The following FER variants were observed in gnomAD, a reference collection of about 807,000 sequenced individuals.
FER encodes FER tyrosine kinase, also known as tyrosine-protein kinase Fer.
A neutral mutation model predicts 111.0 loss-of-function variants in FER; 63 were observed. The ratio of observed to expected loss-of-function variants is 0.57; its 90% CI spans 0.46 to 0.70. The LOEUF (loss-of-function observed/expected upper bound fraction) is 0.70. Among genes scored for constraint, FER ranks in the 30% least tolerant of loss-of-function variants. FER has a pLI of 0.00. For missense variants in FER, 914 were observed against 954.0 expected, an observed-to-expected ratio of 0.96 and a Z score of 0.55; for synonymous variants, 327 against 313.9, an observed-to-expected ratio of 1.04 and a Z score of -0.44.
intron 8 of FER, among the ~76,000 whole-genome samples, chr5:108,874,330 G>C (rs1459028577): frequency 6.6e-6 from 1 of 152,034 alleles, no homozygotes; most frequent in Non-Finnish European, 1.5e-5. Flanking sequence ...CTTAATTATA[G>C]TGATGAAGCA....
intron 13 of FER, among the ~76,000 whole-genome samples, chr5:108,971,363 G>A (rs1333730350): frequency 6.7e-6 from 1 of 150,232 alleles, no homozygotes; most frequent in Non-Finnish European, 1.5e-5. Context: ...TTCAGAAATA[G>A]TAAATAAAAT....
At chr5:109,129,014 A>G (rs1407949299) in intron 17 of FER, among the ~76,000 whole-genome samples, 4 of 152,096 alleles carry the variant, frequency 2.6e-5, no homozygotes, top group Admixed American at 1.3e-4. Context: ...TGGAAATAGT[A>G]TATTGTTAAG....
chr5:108,947,997 A>G (rs772630831), intron 11 of FER, among the ~76,000 whole-genome samples: 36 of 152,006 alleles, frequency 2.4e-4, no homozygotes, highest in Non-Finnish European at 4.3e-4. Context: ...GTTCAAATTC[A>G]TTCTTTTGCA....
intron 16 of FER, among the ~76,000 whole-genome samples, chr5:109,070,883 A>G (rs761487592): frequency 6.6e-6 from 1 of 152,030 alleles, no homozygotes; most frequent in Admixed American, 6.5e-5. Context: ...TGATTATTTC[A>G]TGTATCTTTT....
At chr5:108,917,452 A>T (rs1229671685) in intron 10 of FER, among the ~76,000 whole-genome samples, 1 of 151,990 alleles carries the variant, frequency 6.6e-6, no homozygotes, top group South Asian at 2.1e-4. Context: ...ATGAAAGTCT[A>T]ATTTAACTTT....
intron 18 of FER, among the ~76,000 whole-genome samples, chr5:109,183,542 C>T (rs1758527556): frequency 6.6e-6 from 1 of 152,136 alleles, no homozygotes; most frequent in South Asian, 2.1e-4. Context: ...AGCTACCGTG[C>T]CCAATCCAAT....
chr5:109,147,918 A>G (rs575797465), intron 17 of FER, among the ~76,000 whole-genome samples: 5 of 151,920 alleles, frequency 3.3e-5, no homozygotes, highest in African/African-American at 1.2e-4. Flanking sequence ...TTTTCCATTG[A>G]CCAATCACTT....
At chr5:109,036,955 C>T (rs1353348403) in intron 13 of FER, among the ~76,000 whole-genome samples, 1 of 152,026 alleles carries the variant, frequency 6.6e-6, no homozygotes, top group Non-Finnish European at 1.5e-5. Context: ...GTGTCATAGA[C>T]AGCTATAACT....
chr5:109,103,493 A>AT (rs1471434021), intron 17 of FER, among the ~76,000 whole-genome samples: 1 of 152,186 alleles, frequency 6.6e-6, no homozygotes, highest in Non-Finnish European at 1.5e-5. Flanking sequence ...AATGACCTGC[A>AT]TTTGGAAGTG....
At chr5:108,924,533 A>G (rs1753481740) in intron 10 of FER, 16 of 1,065,232 alleles carry the variant, frequency 1.5e-5, no homozygotes, top group Non-Finnish European at 1.9e-5. Context: ...CAACAGGGGG[A>G]GATAGTATGA....
At chr5:108,777,814 G>A (rs1480015217) in intron 2 of FER, among the ~76,000 whole-genome samples, 1 of 152,162 alleles carries the variant, frequency 6.6e-6, no homozygotes, top group Non-Finnish European at 1.5e-5. Flanking sequence ...GAGAGCTTCT[G>A]TAGAGAAACT....
chr5:109,148,094 A>T (rs1754438411), intron 17 of FER, among the ~76,000 whole-genome samples: 1 of 151,998 alleles, frequency 6.6e-6, no homozygotes, highest in African/African-American at 2.4e-5. Context: ...ATCTGTCTTA[A>T]CTGGGTGCAT....
chr5:108,856,842 A>T (rs1763058335), intron 5 of FER, among the ~76,000 whole-genome samples: 1 of 152,122 alleles, frequency 6.6e-6, no homozygotes, highest in Non-Finnish European at 1.5e-5. Context: ...CATACAAATT[A>T]AAACTAAATT....
At chr5:108,907,195 CTT>C (rs1750904651) in intron 10 of FER, among the ~76,000 whole-genome samples, 1 of 152,124 alleles carries the variant, frequency 6.6e-6, no homozygotes, top group Admixed American at 6.6e-5. Flanking sequence ...TTTATTTCCC[CTT>C]TTTCTCCATT....
chr5:108,946,050 G>C, intron 10 of FER, 80 bp from the exon 11 acceptor site: 2 of 899,416 alleles, frequency 2.2e-6, no homozygotes, highest in Non-Finnish European at 3.5e-6. Context: ...ATAAGCTGTG[G>C]ATAAGTACCT....
At chr5:109,044,213 C>T (rs1348416864) in intron 14 of FER, among the ~76,000 whole-genome samples, 1 of 149,292 alleles carries the variant, frequency 6.7e-6, no homozygotes, top group Non-Finnish European at 1.5e-5. Flanking sequence ...GAGTCTTGCT[C>T]TGTTGCCCAG....
chr5:108,991,634 A>G (rs886920030), intron 13 of FER, among the ~76,000 whole-genome samples: 4 of 152,148 alleles, frequency 2.6e-5, no homozygotes, highest in Non-Finnish European at 4.4e-5. Context: ...CTGTATTTCA[A>G]TATCTCCTTC....
intron 13 of FER, among the ~76,000 whole-genome samples, chr5:109,000,439 T>C (rs1764598698): frequency 6.6e-6 from 1 of 152,048 alleles, no homozygotes; most frequent in Admixed American, 6.5e-5. Context: ...TCGCTAAAGA[T>C]GTTCTTTGAA....
rs773350675 is a variant in FER at position 108,883,523 on chromosome 5, G to GT, written c.1046+6dup. 1.3e-6 allele frequency: 2 copies of GT among 1,573,248 alleles called. No homozygotes were observed. The highest frequency in any genetic ancestry group is 1.7e-6 in the Non-Finnish European group (2 of 1,160,386). ...AACTTGTGAGAAGAAGTCTGAGTGA[G>GT]TAAAAGAGAAACAATTTGAAGGAAG... On this transcript the variant is annotated splice_donor_region_variant and intron_variant, in intron 9 of 19. Coordinates refer to ENST00000281092, the MANE Select transcript of FER (RefSeq NM_005246.4).
Sources: allele counts gnomAD v4.1 joint callset (sites outside exome capture counted in the v4.1 genomes callset), GRCh38; gene constraint gnomAD v4.1.1; transcripts MANE v1.5; gene names NCBI Gene and HGNC (gene_info 2026-07-23, HGNC 2026-07-21).